SLC25A41: variants seen among roughly 807,000 people sequenced by gnomAD.
SLC25A41 encodes mitochondrial carrier protein SCaMC-3L.
SLC25A41 carries 35 observed loss-of-function variants against 34.7 expected under a neutral mutation model. The ratio of observed to expected loss-of-function variants is 1.01; its 90% CI spans 0.77 to 1.34. SLC25A41 has a LOEUF of 1.34. SLC25A41 is among the 40% of genes most tolerant of loss of function. The pLI is 0.00. For synonymous variants in SLC25A41, 190 were observed against 209.9 expected (o/e 0.91, Z 0.82); for missense variants, 492 against 489.8 (o/e 1.00, Z -0.04).
At position 6,429,046 on chromosome 19, in the gene SLC25A41, ATATTATATATATGT is replaced by A. The variant is rs1211000844; in HGVS notation, c.624+664_624+677del. On this transcript the variant is annotated intron_variant, in intron 4 of 6. Coordinates refer to ENST00000321510, the MANE Select transcript of SLC25A41 (RefSeq NM_173637.4). Reference sequence around the variant, plus strand: ...ATTTATATATATATATATAATATATATATTATATATATGTTATATATATATATAATATATATATT... The same window carrying A: ...ATTTATATATATATATATAATATATATATATATATATATAATATATATATT... 6.5e-3 allele frequency among the ~76,000 whole-genome samples: 343 copies of A among 53,156 alleles called. 73 individuals carry two copies. Among genetic ancestry groups the A allele is most frequent in the African/African-American group, 0.034 (318 of 9,358 alleles). 34.9% of individuals were successfully genotyped at this position (53,156 alleles called of 152,430 possible). A position where few individuals can be genotyped will look rare whatever the true frequency, so the allele number is the denominator to read the frequency against.
At chr19:6,429,249 ATATATGT>A (rs1288097060) in intron 4 of SLC25A41, among the ~76,000 whole-genome samples, 3 of 106,060 alleles carry the variant, frequency 2.8e-5, no homozygotes, top group Non-Finnish European at 5.5e-5. Context: ...AAAATGTTAT[ATATATGT>A]ATATGTGTTA....
Position 6,427,087 on chromosome 19 carries a change from C to T in SLC25A41, c.940+16G>A. ...GGGGAAGGGGCATGCGTGGTGGCCG[C>T]TGGGGACAGGCTGACCTTGGGCCTG... On this transcript the variant is annotated intron_variant, in intron 6 of 6. Transcript: ENST00000321510. The surrounding 1 kb of genome is among the most constrained non-coding windows in gnomAD (Gnocchi z 4.9). 6.3e-7 allele frequency: 1 copy of T among 1,587,372 alleles called. No homozygotes were observed.
chr19:6,426,518 CTGGAGGACT>C lies in SLC25A41; in HGVS notation c.975_983del (p.Val326_Gln328del), dbSNP rs749798925. The C allele has an allele frequency of 2.5e-6, 4 of 1,613,390 alleles. No individual in the cohort carries two copies. The South Asian group carries it at 4.4e-5, about 18-fold the overall frequency. The stretch of plus-strand genomic sequence containing the variant: ...GCCAGCCCTGCTGGGCCAGGATCCG[CTGGAGGACT>C]CCGCGCATGGTGGGATTTGAGCCCT... On this transcript the variant is annotated inframe_deletion, in exon 7 of 7. Coordinates refer to ENST00000321510, the MANE Select transcript of SLC25A41 (RefSeq NM_173637.4).
At chr19:6,430,780 G>T (rs895173828) in intron 2 of SLC25A41, among the ~76,000 whole-genome samples, 1 of 151,966 alleles carries the variant, frequency 6.6e-6, no homozygotes, top group Non-Finnish European at 1.5e-5. Flanking sequence ...CAGCCACCGC[G>T]CCTGGCCTTC....
chr19:6,431,535 G>A (rs2092285543), intron 2 of SLC25A41, among the ~76,000 whole-genome samples: 1 of 151,978 alleles, frequency 6.6e-6, no homozygotes. Context: ...CATCTCCTGG[G>A]TTCAAGCAAT....
At chr19:6,435,833 G>A (rs908830664), upstream of SLC25A41, among the ~76,000 whole-genome samples, 1 of 151,910 alleles carries the variant, frequency 6.6e-6, no homozygotes, top group Non-Finnish European at 1.5e-5. Flanking sequence ...CTCCAGCCTG[G>A]GTGACAGAGT....
intron 1 of SLC25A41, among the ~76,000 whole-genome samples, chr19:6,433,158 C>T (rs2092293439): frequency 6.6e-6 from 1 of 152,172 alleles, no homozygotes. Flanking sequence ...AAGCGATTCT[C>T]CTGCCTCAGC....
At chr19:6,429,701 C>T (rs988125569) in intron 4 of SLC25A41, 23 bp downstream of exon 4, 7 of 1,534,970 alleles carry the variant, frequency 4.6e-6, no homozygotes, top group Non-Finnish European at 6.1e-6. Flanking sequence ...GTTTCCTCAC[C>T]TGCGGGGCAC....
At chr19:6,431,730 A>C (rs186568904) in intron 2 of SLC25A41, among the ~76,000 whole-genome samples, 1,609 of 152,212 alleles carry the variant, frequency 0.011, 18 homozygotes, top group South Asian at 0.029. Context: ...GGCATGAGCC[A>C]CTGCACCTGG....
chr19:6,426,470 G>A lies in SLC25A41; in HGVS notation c.1032C>T (p.Thr344=). ...QGWLGLYRGM[T]PTLLKVLPAG... is the part of the protein sequence containing the mutation. ...CTGGTAAGACCTTCAGTAGCGTGGGGGTCATGCCTCGGTACAGCCCTAGCC... is the reference window on the plus strand; with the variant it reads ...CTGGTAAGACCTTCAGTAGCGTGGGAGTCATGCCTCGGTACAGCCCTAGCC... The change falls in exon 7 of 7, where the codon ACC becomes ACT. Residue 344 remains threonine (T), a synonymous_variant. Coordinates refer to ENST00000321510, the MANE Select transcript of SLC25A41 (RefSeq NM_173637.4). 8 of 1,613,790 alleles carry A rather than the reference G, an allele frequency of 5.0e-6. No individual in the cohort carries two copies. Among genetic ancestry groups the A allele is most frequent in the South Asian group, 1.1e-5 (1 of 91,090 alleles).
rs1156908922 is a variant in SLC25A41, at chr19:6,429,109, A to ATATATATTATATATATGTTAC, written c.624+614_624+615insGTAACATATATATAATATATA. On this transcript the variant is annotated intron_variant, in intron 4 of 6. Transcript: ENST00000321510. ...TTATATATATGTTACATATATATATAATATATATATTATATATATGTTATA... is the reference window on the plus strand; with the variant it reads ...TTATATATATGTTACATATATATATATATATATTATATATATGTTACATATATATATTATATATATGTTATA... Among the ~76,000 whole-genome samples the ATATATATTATATATATGTTAC allele has an allele frequency of 5.6e-5, 2 of 35,610 alleles. 1 individual carries two copies. The highest frequency in any genetic ancestry group is 2.4e-4 in the African/African-American group (2 of 8,258). The allele number at this position is 35,610 out of a possible 152,430, so 23.4% of individuals were successfully genotyped here. A position where few individuals can be genotyped will look rare whatever the true frequency, so the allele number is the denominator to read the frequency against.
chr19:6,432,318 A>ATT, intron 1 of SLC25A41, 114 bp from the exon 2 acceptor site: 237 of 990,124 alleles, frequency 2.4e-4, no homozygotes, highest in South Asian at 4.7e-4. Flanking sequence ...CCAAGTCTGC[A>ATT]TTTTTTTTTT....
At chr19:6,432,481 T>TC (rs1388938182) in intron 1 of SLC25A41, among the ~76,000 whole-genome samples, 2 of 143,888 alleles carry the variant, frequency 1.4e-5, no homozygotes, top group African/African-American at 5.1e-5. Flanking sequence ...TAATTTTTTT[T>TC]TTTTTTTTTT....
intron 2 of SLC25A41, among the ~76,000 whole-genome samples, chr19:6,430,779 C>T (rs567819033): frequency 2.6e-5 from 4 of 152,008 alleles, no homozygotes; most frequent in East Asian, 3.9e-4. Flanking sequence ...TCAGCCACCG[C>T]GCCTGGCCTT....
At position 6,426,396 on chromosome 19, in the gene SLC25A41, C is replaced by T; in HGVS notation, c.1106G>A (p.Gly369Asp). 6.2e-7 allele frequency: 1 copy of T among 1,613,528 alleles called. No homozygotes were observed. The highest frequency in any genetic ancestry group is 8.5e-7 in the Non-Finnish European group (1 of 1,179,592). The change falls in exon 7 of 7, where the codon GGC becomes GAC. Residue 369 changes from glycine (G) to aspartate (D), a missense_variant. Physicochemically the swap from Gly to Asp is moderately conservative, Grantham distance 94 (BLOSUM62 -1). Coordinates refer to ENST00000321510, the MANE Select transcript of SLC25A41 (RefSeq NM_173637.4). Reference protein sequence around the residue: ...VVYEAMKKTLGI With the variant: ...VVYEAMKKTLDI ...TGTCGTCCAGCTCACAGCCTATATG[C>T]CCAGGGTTTTCTTCATGGCTTCGTA...
At chr19:6,434,536 T>C (rs1043514897), upstream of SLC25A41, among the ~76,000 whole-genome samples, 2 of 152,192 alleles carry the variant, frequency 1.3e-5, no homozygotes, top group East Asian at 3.9e-4. Context: ...AAGACCCCGC[T>C]CTTTAGTGTT....
At chr19:6,429,160 A>ATGT (rs2092267167) in intron 4 of SLC25A41, among the ~76,000 whole-genome samples, 2 of 33,300 alleles carry the variant, frequency 6.0e-5, no homozygotes, top group African/African-American at 2.6e-4. Context: ...TATATTATAT[A>ATGT]TATAATATAT....
Position 6,426,627 on chromosome 19 carries a change from G to A in SLC25A41, c.941-66C>T, listed in dbSNP as rs966905972. The A allele has an allele frequency of 1.8e-5, 28 of 1,563,168 alleles. No individual in the cohort carries two copies. The South Asian group carries it at 3.2e-4, about 18-fold the overall frequency. ...ACCGGGCCTCCTAGGAGTCTGGAAT[G>A]TTGCGGACAGGTGCTGAAGCCACGG... On this transcript the variant is annotated intron_variant, in intron 6 of 6. Transcript: ENST00000321510.
chr19:6,429,688 G>A (rs780215915), intron 4 of SLC25A41, 36 bp downstream of exon 4: 19 of 1,486,514 alleles, frequency 1.3e-5, no homozygotes, highest in Middle Eastern at 1.8e-4. Context: ...TAGTTTCCAC[G>A]GCGTTTCCTC....
Sources: gnomAD v4.1 joint callset for allele counts (sites outside exome capture counted in the v4.1 genomes callset) on GRCh38, gnomAD v4.1.1 for gene constraint, Gnocchi (gnomAD v3.1) non-coding constraint, MANE v1.5 for transcripts, NCBI Gene and HGNC (gene_info 2026-07-23, HGNC 2026-07-21) for gene names.